Variants in CP observed in about 807,000 individuals in gnomAD.
The protein encoded by CP is caeruloplasmin.
CP carries 64 observed loss-of-function variants against 122.4 expected under a neutral mutation model. The ratio of observed to expected loss-of-function variants is 0.52; its 90% CI spans 0.43 to 0.64. The LOEUF is 0.64. Ranked by LOEUF, CP falls within the 30% of genes least tolerant of loss-of-function variation. The probability of loss-of-function intolerance (pLI) is 0.00; values close to 1 mark genes in which losing one functional copy is unlikely to be tolerated. For missense variants in CP, 1,167 were observed against 1,284.4 expected, an observed-to-expected ratio of 0.91 and a Z score of 1.40; for synonymous variants, 440 against 436.4, an observed-to-expected ratio of 1.01 and a Z score of -0.10.
chr3:149,206,461 A>G, intron 5 of CP, 122 bp from the exon 6 acceptor site: 7 of 1,093,592 alleles, frequency 6.4e-6, no homozygotes, highest in Non-Finnish European at 9.8e-6. Context: ...TAGCAACAGT[A>G]CTATAAACTA....
At chr3:149,176,099 C>T in intron 18 of CP, 151 bp downstream of exon 18, 4 of 728,744 alleles carry the variant, frequency 5.5e-6, no homozygotes, top group South Asian at 1.8e-5. Flanking sequence ...GAAAAAAATC[C>T]TGTTTGGAGG....
intron 8 of CP, 62 bp from the exon 9 acceptor site, chr3:149,198,640 AAAGTAGACT>A (rs1317479624): frequency 2.1e-6 from 3 of 1,417,008 alleles, no homozygotes; most frequent in Non-Finnish European, 2.0e-6. Context: ...TTTGAGCCAC[AAAGTAGACT>A]AAGTTTAGTC....
At chr3:149,177,104 A>T (rs1467915002) in intron 17 of CP, among the ~76,000 whole-genome samples, 1 of 152,172 alleles carries the variant, frequency 6.6e-6, no homozygotes, top group African/African-American at 2.4e-5. Flanking sequence ...GAGAAAGAAT[A>T]GAAGTAAGAT....
intron 6 of CP, among the ~76,000 whole-genome samples, chr3:149,203,016 C>G (rs1441015444): frequency 6.7e-6 from 1 of 150,244 alleles, no homozygotes; most frequent in African/African-American, 2.5e-5. Context: ...AAGCAATTCT[C>G]CTGCCTCAGC....
rs77953323 is a variant in CP, at chr3:149,180,214, G to A, written c.2555-552C>T. The A allele has an allele frequency of 6.5e-3, 1,050 of 160,640 alleles. 31 individuals carry two copies. The highest frequency in any genetic ancestry group is 0.059 in the East Asian group (327 of 5,552). The allele number at this position is 160,640 out of a possible 1,614,324, so 10.0% of individuals were successfully genotyped here. A position where few individuals can be genotyped will look rare whatever the true frequency, so the allele number is the denominator to read the frequency against. ...AGACCTCTTGATCTCATGAGTCACC[G>A]ACTTGACACAGTTATGTTTACCTCC... On this transcript the variant is annotated intron_variant, in intron 14 of 18. Transcript: ENST00000264613.
At position 149,210,220 on chromosome 3, in the gene CP, G is replaced by A. The variant is rs1301521299; in HGVS notation, c.554C>T (p.Ala185Val). 1.9e-6 allele frequency: 3 copies of A among 1,613,894 alleles called. No homozygotes were observed. The highest frequency in any genetic ancestry group is 2.2e-5 in the East Asian group (1 of 44,884). ...GAGTCCTGAGGCAATATCTTTTGGA[G>A]CATCAATGTGGGAATGGTAAATCCT... ...VTRIYHSHIDAPKDIASGLIG... is the reference protein window; with the variant it reads ...VTRIYHSHIDVPKDIASGLIG... The change falls in exon 3 of 19, where the codon GCT becomes GTT. Residue 185 changes from alanine to valine, a missense_variant. Ala to Val is a moderately conservative substitution (Grantham distance 64). Around this residue, in one of 2 missense-constraint regions of CP, gnomAD observed 642 missense variants for 627.3 expected, o/e 1.02. Transcript: ENST00000264613.
At position 149,206,325 on chromosome 3, in the gene CP, A is replaced by T. The variant is rs959598223; in HGVS notation, c.1051T>A (p.Phe351Ile). The T allele has an allele frequency of 1.2e-6, 2 of 1,613,730 alleles. No homozygotes were observed. The highest frequency in any genetic ancestry group is 2.7e-5 in the African/African-American group (2 of 74,918). The part of the protein sequence containing the change: ...LNHLKAGLQA[F>I]FQVQECNKSS... Reference sequence around the variant, plus strand: ...TTGTTACACTCCTGGACCTGGAAAAAGGCTTGCAAACCGGCTGAAATGAAA... The same window carrying T: ...TTGTTACACTCCTGGACCTGGAAAATGGCTTGCAAACCGGCTGAAATGAAA... Residue 351 changes from phenylalanine (F) to isoleucine (I), a missense_variant, in exon 6 of 19, where the codon TTT becomes ATT. Physicochemically the swap from Phe to Ile is conservative, Grantham distance 21 (BLOSUM62 0). Around this residue, in one of 2 missense-constraint regions of CP, gnomAD observed 642 missense variants for 627.3 expected, o/e 1.02. Transcript: ENST00000264613.
downstream of CP, among the ~76,000 whole-genome samples, chr3:149,169,038 C>CGTGTGT (rs34076994): frequency 1.8e-4 from 27 of 149,810 alleles, no homozygotes; most frequent in South Asian, 4.2e-4. Context: ...TGTGTGCATA[C>CGTGTGT]GTGTGTGTGT....
At position 149,162,761 on chromosome 3, in the gene CP, A is replaced by G. The variant is rs149563235; in HGVS notation, c.*128T>C. The G allele has an allele frequency of 5.3e-5, 85 of 1,614,022 alleles. No individual in the cohort carries two copies. The African/African-American group carries it at 9.1e-4, about 17-fold the overall frequency. On this transcript the variant is annotated 3_prime_UTR_variant, in exon 6 of 6. Coordinates refer to the CP transcript ENST00000479771. Reference sequence around the variant, plus strand: ...ACTTTTGGGAAGCTCAGCTAGTGGCATGTCTCCCAGATGTGGTACTTCAGG... The same window carrying G: ...ACTTTTGGGAAGCTCAGCTAGTGGCGTGTCTCCCAGATGTGGTACTTCAGG...
chr3:149,198,848 C>T (rs902495692), intron 8 of CP, among the ~76,000 whole-genome samples: 1 of 152,168 alleles, frequency 6.6e-6, no homozygotes, highest in East Asian at 1.9e-4. Context: ...TGTTGTATTG[C>T]GTGTATTTCT....
chr3:149,179,756 G>C, intron 14 of CP, 94 bp from the exon 15 acceptor site: 1 of 720,358 alleles, frequency 1.4e-6, no homozygotes, highest in Non-Finnish European at 2.3e-6. Flanking sequence ...ACACAGCCTT[G>C]ATAACTAGGA....
rs747008523 is a variant in CP at position 149,162,420 on chromosome 3, ATTTG to A, written c.*465_*468del. 6.6e-5 allele frequency: 84 copies of A among 1,278,496 alleles called. 2 individuals carry two copies. In the South Asian group the frequency reaches 7.7e-4, roughly 12 times the overall value. The allele number at this position is 1,278,496 out of a possible 1,614,324, so 79.2% of individuals were successfully genotyped here. On this transcript the variant is annotated 3_prime_UTR_variant, in exon 6 of 6. Coordinates refer to the CP transcript ENST00000479771. Reference sequence around the variant, plus strand: ...ACAGAATAAGAGAAGTGAGTTTTTCATTTGTTTGTTTATTGAAAAAACAGACATA... The same window carrying A: ...ACAGAATAAGAGAAGTGAGTTTTTCATTTGTTTATTGAAAAAACAGACATA...
At chr3:149,167,918 C>G (rs763642390), downstream of CP, 1 of 1,606,798 alleles carries the variant, frequency 6.2e-7, no homozygotes, top group Admixed American at 1.7e-5. Flanking sequence ...AAACTGTTGC[C>G]TGAACTTTGT....
At chr3:149,193,391 G>T (rs57614297) in intron 9 of CP, among the ~76,000 whole-genome samples, 14,910 of 152,102 alleles carry the variant, frequency 0.098, 2,071 homozygotes, top group African/African-American at 0.31. Flanking sequence ...GGTGCATTCA[G>T]ATCATGAAAT....
Position 149,167,083 on chromosome 3 carries a change from T to C in CP, c.587-1033A>G, listed in dbSNP as rs1470297994. ...GACATAGCTTCCATTATTCCGTTCT[T>C]GGAGCCACTTTCAGAAGACACTATT... On this transcript the variant is annotated intron_variant, in intron 4 of 5. Transcript: ENST00000479771. The C allele has an allele frequency of 1.9e-6, 3 of 1,613,946 alleles. No homozygotes were observed. Among genetic ancestry groups the C allele is most frequent in the Non-Finnish European group, 2.5e-6 (3 of 1,179,846 alleles).
At chr3:149,216,698 C>T (rs1728479318) in intron 1 of CP, among the ~76,000 whole-genome samples, 2 of 152,242 alleles carry the variant, frequency 1.3e-5, no homozygotes, top group South Asian at 2.1e-4. Context: ...AGTGATTTGC[C>T]GGTTCTAACC....
At chr3:149,162,828 T>C (rs755880020) in exon 6 of CP, 2 of 1,613,928 alleles carry the variant, frequency 1.2e-6, no homozygotes, top group African/African-American at 1.3e-5. Flanking sequence ...CTGGAGATTG[T>C]CTAAGAGGCA....
intron 12 of CP, among the ~76,000 whole-genome samples, chr3:149,184,028 C>T (rs76946156): frequency 0.066 from 4,181 of 63,276 alleles, 307 homozygotes; most frequent in South Asian, 0.13. Flanking sequence ...TCACTTACTT[C>T]TTTTTTTTTT....
At chr3:149,202,701 G>A (rs1230612389) in intron 6 of CP, among the ~76,000 whole-genome samples, 23 of 146,604 alleles carry the variant, frequency 1.6e-4, no homozygotes, top group African/African-American at 5.8e-4. Flanking sequence ...TTTGCCTCCT[G>A]GGTTCACGCC....
Sources: allele counts gnomAD v4.1 joint callset (sites outside exome capture counted in the v4.1 genomes callset), GRCh38; gene constraint gnomAD v4.1.1; regional missense constraint gnomAD v4.1.1; transcripts MANE v1.5; gene names NCBI Gene and HGNC (gene_info 2026-07-23, HGNC 2026-07-21).